Variants in ITGA1 observed in about 807,000 individuals in gnomAD.
The protein encoded by ITGA1 is integrin alpha-1.
A neutral mutation model predicts 145.9 loss-of-function variants in ITGA1; 85 were observed. The observed-to-expected ratio is 0.58, with a 90% CI of 0.49 to 0.70. The LOEUF (loss-of-function observed/expected upper bound fraction) is 0.70. ITGA1 is among the 30% of genes least tolerant of loss of function. The pLI is 0.00. For synonymous variants in ITGA1, 520 were observed against 495.3 expected (o/e 1.05, Z -0.66); for missense variants, 1,351 against 1,418.7 (o/e 0.95, Z 0.77).
chr5:52,941,395 G>A (rs1300823312), intron 26 of ITGA1, among the ~76,000 whole-genome samples: 1 of 152,170 alleles, frequency 6.6e-6, no homozygotes, highest in African/African-American at 2.4e-5. Context: ...CACCAACAGT[G>A]TATAAGCTTT....
intron 23 of ITGA1, among the ~76,000 whole-genome samples, chr5:52,936,639 C>A (rs567300827): frequency 6.6e-6 from 1 of 152,160 alleles, no homozygotes; most frequent in Non-Finnish European, 1.5e-5. Flanking sequence ...TCAGTTGTAC[C>A]TTTTAAGCAG....
rs1005942910 is a variant in ITGA1, at chr5:52,956,653, T to C, written c.*4202T>C. ...ATTTACAAACTGTTATGGGACACTA[T>C]CAGCAACTACGCCTGGGGAAGCTAG... On this transcript the variant is annotated 3_prime_UTR_variant, in exon 29 of 29. Transcript: ENST00000282588. 3 of 152,354 alleles carry C rather than the reference T, an allele frequency of 2.0e-5. No homozygotes were observed. The East Asian group carries it at 5.8e-4, about 29-fold the overall frequency. The allele number at this position is 152,354 out of a possible 1,614,324, so 9.4% of individuals were successfully genotyped here. A position where few individuals can be genotyped will look rare whatever the true frequency, so the allele number is the denominator to read the frequency against.
intron 1 of ITGA1, among the ~76,000 whole-genome samples, chr5:52,811,679 G>T (rs1014230714): frequency 5.3e-5 from 8 of 152,162 alleles, no homozygotes; most frequent in Non-Finnish European, 1.2e-4. Context: ...ATACGTGCAT[G>T]AAAATCTTGA....
rs187890246 is a variant in ITGA1 at position 52,861,396 on chromosome 5, T to A, written c.183-51T>A. Reference sequence around the variant, plus strand: ...AAAATCAGTCATAAAACAACTCATATAAACTGTTTCTCAATGTTCAAAAAT... The same window carrying A: ...AAAATCAGTCATAAAACAACTCATAAAAACTGTTTCTCAATGTTCAAAAAT... On this transcript the variant is annotated intron_variant, in intron 2 of 28. Transcript: ENST00000282588. 3.6e-6 allele frequency: 4 copies of A among 1,099,176 alleles called. No homozygotes were observed. The South Asian group carries it at 3.9e-5, about 11-fold the overall frequency. 68.1% of individuals were successfully genotyped at this position (1,099,176 alleles called of 1,614,324 possible).
chr5:52,890,267 A>T (rs563894114), intron 8 of ITGA1, among the ~76,000 whole-genome samples: 1 of 152,298 alleles, frequency 6.6e-6, no homozygotes, highest in South Asian at 2.1e-4. Context: ...CAAAAAAATA[A>T]ATTTTAAGAA....
At chr5:52,810,709 CA>C (rs1262650529) in intron 1 of ITGA1, among the ~76,000 whole-genome samples, 2 of 152,164 alleles carry the variant, frequency 1.3e-5, no homozygotes, top group East Asian at 1.9e-4. Context: ...AGTCTGTTAT[CA>C]CCACAGTAAA....
intron 1 of ITGA1, among the ~76,000 whole-genome samples, chr5:52,837,111 G>C (rs1451765905): frequency 6.6e-6 from 1 of 152,114 alleles, no homozygotes; most frequent in African/African-American, 2.4e-5. Flanking sequence ...TTCCTCACTT[G>C]AGATCAGAAC....
chr5:52,946,641 G>A (rs1266002261), intron 27 of ITGA1, among the ~76,000 whole-genome samples: 1 of 152,050 alleles, frequency 6.6e-6, no homozygotes, highest in Non-Finnish European at 1.5e-5. Flanking sequence ...AAATCCCCCA[G>A]GGATGAGACA....
chr5:52,822,822 T>A (rs1430991440), intron 1 of ITGA1, among the ~76,000 whole-genome samples: 2 of 152,216 alleles, frequency 1.3e-5, no homozygotes, highest in Non-Finnish European at 2.9e-5. Context: ...GATAGTGGAC[T>A]GGGAACTTGA....
intron 1 of ITGA1, among the ~76,000 whole-genome samples, chr5:52,846,366 G>A (rs1413703486): frequency 1.3e-5 from 2 of 152,040 alleles, no homozygotes; most frequent in Non-Finnish European, 2.9e-5. Flanking sequence ...TTGTACCACT[G>A]CACACCAGCC....
intron 1 of ITGA1, chr5:52,801,315 G>A: frequency 8.5e-7 from 1 of 1,174,014 alleles, no homozygotes. Context: ...AACATATGAA[G>A]CCTTACTAGC....
chr5:52,837,926 G>T (rs1749186435), intron 1 of ITGA1, among the ~76,000 whole-genome samples: 2 of 152,190 alleles, frequency 1.3e-5, no homozygotes, highest in African/African-American at 4.8e-5. Flanking sequence ...AAGCATTCTA[G>T]TGACCCTTGC....
intron 1 of ITGA1, among the ~76,000 whole-genome samples, chr5:52,806,719 T>G (rs1186085389): frequency 6.6e-6 from 1 of 152,186 alleles, no homozygotes; most frequent in Non-Finnish European, 1.5e-5. Flanking sequence ...TATCTCTATT[T>G]TCAGTAACAT....
intron 14 of ITGA1, among the ~76,000 whole-genome samples, chr5:52,914,408 G>T (rs1276097732): frequency 1.3e-5 from 2 of 152,130 alleles, no homozygotes; most frequent in African/African-American, 4.8e-5. Context: ...GGAGGCCGAG[G>T]CAGGCGGATC....
chr5:52,854,063 T>C (rs751317164), intron 2 of ITGA1, among the ~76,000 whole-genome samples: 3 of 152,176 alleles, frequency 2.0e-5, no homozygotes, highest in Non-Finnish European at 4.4e-5. Context: ...GCAACCTTTC[T>C]TGGGGGTTTC....
intron 7 of ITGA1, among the ~76,000 whole-genome samples, chr5:52,884,557 G>A (rs2111809220): frequency 6.6e-6 from 1 of 152,146 alleles, no homozygotes; most frequent in East Asian, 1.9e-4. Flanking sequence ...CCTTTATGAT[G>A]AAGGTATTGC....
chr5:52,867,291 A>G (rs917903303), intron 6 of ITGA1: 1 of 152,210 alleles, frequency 6.6e-6, no homozygotes, highest in African/African-American at 2.4e-5. Flanking sequence ...GCTGCATTCC[A>G]AGGCTGAATA....
intron 6 of ITGA1, among the ~76,000 whole-genome samples, chr5:52,868,401 A>G (rs1006408737): frequency 1.3e-5 from 2 of 152,208 alleles, no homozygotes; most frequent in African/African-American, 4.8e-5. Flanking sequence ...TTTTGTAAAG[A>G]AATAAATAAC....
chr5:52,805,866 G>C (rs17210122), intron 1 of ITGA1, among the ~76,000 whole-genome samples: 38,297 of 151,864 alleles, frequency 0.25, 5,220 homozygotes, highest in Non-Finnish European at 0.3. Context: ...TTTGCAGTTG[G>C]ATTTACATCT....
Sources: allele counts gnomAD v4.1 joint callset (sites outside exome capture counted in the v4.1 genomes callset), GRCh38; gene constraint gnomAD v4.1.1; transcripts MANE v1.5; gene names NCBI Gene and HGNC (gene_info 2026-07-23, HGNC 2026-07-21).